SLIT2: variants seen among roughly 807,000 people sequenced by gnomAD.
The protein encoded by SLIT2 is slit homolog 2 protein.
SLIT2 carries 41 observed loss-of-function variants against 185.7 expected under a neutral mutation model. The observed-to-expected ratio is 0.22, with a 90% CI of 0.17 to 0.29. The LOEUF (loss-of-function observed/expected upper bound fraction) is 0.29, where lower values mean the gene tolerates loss of function less well. SLIT2 is among the 10% of genes least tolerant of loss of function. SLIT2 has a pLI of 1.00. For missense variants in SLIT2, 1,571 were observed against 1,909.0 expected (o/e 0.82, Z 3.30); for synonymous variants, 693 against 680.2 (o/e 1.02, Z -0.29).
At chr4:20,469,905 G>A (rs1326566807) in intron 5 of SLIT2, among the ~76,000 whole-genome samples, 9 of 151,590 alleles carry the variant, frequency 5.9e-5, no homozygotes, top group Non-Finnish European at 1.2e-4. Context: ...ATAGGCACTC[G>A]CCACCATGCC....
At chr4:20,618,737 TA>T (rs1202453306) in intron 36 of SLIT2, 30 bp from the exon 37 acceptor site, 1 of 1,557,456 alleles carries the variant, frequency 6.4e-7, no homozygotes, top group Non-Finnish European at 8.7e-7. Context: ...TGACTGTTCT[TA>T]AAATGCTTGT....
chr4:20,589,010 T>C (rs983681246), intron 29 of SLIT2, among the ~76,000 whole-genome samples: 4 of 152,258 alleles, frequency 2.6e-5, no homozygotes, highest in African/African-American at 4.8e-5. Context: ...GTTTTTCTTA[T>C]AGACTTTTAA....
rs777699104 is a variant in SLIT2, at chr4:20,617,670, C to T, written c.4348+20C>T. The T allele has an allele frequency of 8.3e-6, 13 of 1,572,790 alleles. No individual in the cohort carries two copies. Among genetic ancestry groups the T allele is most frequent in the Non-Finnish European group, 1.1e-5 (13 of 1,151,938 alleles). On this transcript the variant is annotated intron_variant, in intron 36 of 36. Coordinates refer to ENST00000504154, the MANE Select transcript of SLIT2 (RefSeq NM_004787.4). ...ATCGAGGTAAGCCAGCCCCACTGGGCACCTCATTCTCTTGGCAAAGCAAGA... is the reference window on the plus strand; with the variant it reads ...ATCGAGGTAAGCCAGCCCCACTGGGTACCTCATTCTCTTGGCAAAGCAAGA...
At position 20,472,503 on chromosome 4, in the gene SLIT2, T is replaced by G. The variant is rs1321252996; in HGVS notation, c.467+4680T>G. ...ATATATCTATATATAGATATATATC[T>G]ATATATAGATAGATATATATCTATA... On this transcript the variant is annotated intron_variant, in intron 5 of 36. Coordinates refer to ENST00000504154, the MANE Select transcript of SLIT2 (RefSeq NM_004787.4). 6.0e-4 allele frequency among the ~76,000 whole-genome samples: 8 copies of G among 13,334 alleles called. 2 individuals are homozygous for G. Among genetic ancestry groups the G allele is most frequent in the Admixed American group, 1.7e-3 (1 of 588 alleles). The allele number at this position is 13,334 out of a possible 152,430, so 8.7% of individuals were successfully genotyped here. A position where few individuals can be genotyped will look rare whatever the true frequency, so the allele number is the denominator to read the frequency against.
At chr4:20,358,030 CTTTAA>C (rs1380583772) in intron 4 of SLIT2, among the ~76,000 whole-genome samples, 2 of 152,036 alleles carry the variant, frequency 1.3e-5, no homozygotes, top group African/African-American at 2.4e-5. Flanking sequence ...ATAACATTCA[CTTTAA>C]TTTAAAGGCC....
intron 4 of SLIT2, among the ~76,000 whole-genome samples, chr4:20,321,253 C>G (rs775785252): frequency 1.3e-5 from 2 of 152,320 alleles, no homozygotes; most frequent in Non-Finnish European, 2.9e-5. Context: ...GAAGCCCAGG[C>G]TACACATCAC....
chr4:20,505,395 T>A (rs1460950319), intron 9 of SLIT2, among the ~76,000 whole-genome samples: 1 of 152,094 alleles, frequency 6.6e-6, no homozygotes, highest in East Asian at 1.9e-4. Flanking sequence ...TAGAAATATC[T>A]CTTGAGGAGG....
intron 4 of SLIT2, among the ~76,000 whole-genome samples, chr4:20,354,505 C>T (rs1343045512): frequency 6.6e-6 from 1 of 152,166 alleles, no homozygotes; most frequent in Non-Finnish European, 1.5e-5. Flanking sequence ...AATCACCAGG[C>T]ACATTGTTAA....
chr4:20,489,424 A>G (rs1219136208), intron 8 of SLIT2, among the ~76,000 whole-genome samples: 1 of 152,226 alleles, frequency 6.6e-6, no homozygotes, highest in Non-Finnish European at 1.5e-5. Flanking sequence ...ATGTATACTA[A>G]TGGTTCAGTT....
rs544187946 is a variant in SLIT2, at chr4:20,413,684, G to A, written c.396-54068G>A. On this transcript the variant is annotated intron_variant, in intron 4 of 36. Coordinates refer to ENST00000504154, the MANE Select transcript of SLIT2 (RefSeq NM_004787.4). The stretch of plus-strand genomic sequence containing the variant: ...AATATATTGATCATTTTCTAATTAT[G>A]AAATATACTTCTTTTTCTATTAACA... Among the ~76,000 whole-genome samples the A allele has an allele frequency of 5.7e-4, 87 of 152,050 alleles. No individual in the cohort carries two copies. In the South Asian group the frequency reaches 0.015, roughly 25 times the overall value.
At chr4:20,292,262 C>T (rs1034483641) in intron 4 of SLIT2, among the ~76,000 whole-genome samples, 4 of 152,154 alleles carry the variant, frequency 2.6e-5, no homozygotes, top group African/African-American at 7.2e-5. Context: ...AAAAGAGACA[C>T]GTTTTGTGTC....
At chr4:20,400,380 C>G (rs555610325) in intron 4 of SLIT2, among the ~76,000 whole-genome samples, 1 of 151,488 alleles carries the variant, frequency 6.6e-6, no homozygotes, top group East Asian at 2.0e-4. Context: ...TTTAGAATCC[C>G]TAGAAGATGT....
chr4:20,486,095 C>T lies in SLIT2; in HGVS notation c.540-105C>T, dbSNP rs955752600. On this transcript the variant is annotated intron_variant, in intron 6 of 36. Coordinates refer to ENST00000504154, the MANE Select transcript of SLIT2 (RefSeq NM_004787.4). ...TCTCTATGTCATCTCTACCAGGTAG[C>T]TGTCCTGCATAAGCATAGTACAAGA... 7.7e-5 allele frequency: 54 copies of T among 697,102 alleles called. No individual in the cohort carries two copies. The African/African-American group carries it at 8.1e-4, about 10-fold the overall frequency. 43.2% of individuals were successfully genotyped at this position (697,102 alleles called of 1,614,324 possible).
At chr4:20,410,313 A>G (rs1235803790) in intron 4 of SLIT2, among the ~76,000 whole-genome samples, 3 of 140,458 alleles carry the variant, frequency 2.1e-5, no homozygotes, top group Non-Finnish European at 3.0e-5. Context: ...CAGTGGCGCA[A>G]TCTTGGTTCA....
rs773468059 is a variant in SLIT2 at position 20,618,749 on chromosome 4, G to A, written c.4349-19G>A. 9.6e-6 allele frequency: 15 copies of A among 1,569,878 alleles called. No individual in the cohort carries two copies. The Admixed American group carries it at 2.6e-4, about 28-fold the overall frequency. ...CAGTGACTGTTCTTAAAATGCTTGTGCTTTTTGTTCTTTTCTAGAAATCTC... is the reference window on the plus strand; with the variant it reads ...CAGTGACTGTTCTTAAAATGCTTGTACTTTTTGTTCTTTTCTAGAAATCTC... On this transcript the variant is annotated intron_variant, in intron 36 of 36. Coordinates refer to ENST00000504154, the MANE Select transcript of SLIT2 (RefSeq NM_004787.4).
Position 20,531,344 on chromosome 4 carries a change from C to A in SLIT2, c.1614-640C>A, listed in dbSNP as rs534416500. ...GCTACAACAGGAATAAGACATTACA[C>A]AAAGCAAAAGAAGCCAGACAGAAAA... On this transcript the variant is annotated intron_variant, in intron 16 of 36. Transcript: ENST00000504154. Among the ~76,000 whole-genome samples, 29 of 152,230 alleles carry A rather than the reference C, an allele frequency of 1.9e-4. No homozygotes were observed. The South Asian group carries it at 6.0e-3, about 32-fold the overall frequency.
intron 4 of SLIT2, among the ~76,000 whole-genome samples, chr4:20,327,487 T>C (rs1293821614): frequency 6.6e-6 from 1 of 152,090 alleles, no homozygotes; most frequent in Non-Finnish European, 1.5e-5. Flanking sequence ...TTTTATTTAC[T>C]ACCTGCAAGA....
rs576972910 is a variant in SLIT2 at position 20,261,244 on chromosome 4, C to A, written c.323+3305C>A. Among the ~76,000 whole-genome samples the A allele has an allele frequency of 6.5e-4, 99 of 151,832 alleles. No individual in the cohort carries two copies. The Middle Eastern group carries it at 0.017, about 26-fold the overall frequency. On this transcript the variant is annotated intron_variant, in intron 3 of 36. Coordinates refer to ENST00000504154, the MANE Select transcript of SLIT2 (RefSeq NM_004787.4). The stretch of plus-strand genomic sequence containing the variant: ...CCTGTTGTTTAATCAAAAAAATTTT[C>A]AAATGAAATGTACTCTACCTAGATG...
intron 4 of SLIT2, among the ~76,000 whole-genome samples, chr4:20,364,687 T>A (rs540691219): frequency 6.7e-6 from 1 of 149,146 alleles, no homozygotes; most frequent in African/African-American, 2.5e-5. Context: ...ATAGTTTCTG[T>A]GAAAAGCCAG....
Sources: allele counts gnomAD v4.1 joint callset (sites outside exome capture counted in the v4.1 genomes callset), GRCh38; gene constraint gnomAD v4.1.1; transcripts MANE v1.5; gene names NCBI Gene and HGNC (gene_info 2026-07-23, HGNC 2026-07-21).